The following KLF15 variants were observed in gnomAD, a reference collection of about 807,000 sequenced individuals.
KLF15 encodes the protein KLF transcription factor 15, also known as Krueppel-like factor 15.
In KLF15, 4 loss-of-function variants were observed where a neutral mutation model predicts 24.6. The observed-to-expected ratio is 0.16, with a 90% CI of 0.08 to 0.37. The LOEUF (loss-of-function observed/expected upper bound fraction) is 0.37, where lower values mean the gene tolerates loss of function less well. Among genes scored for constraint, KLF15 ranks in the 10% least tolerant of loss-of-function variants. The pLI, the probability that KLF15 is intolerant of heterozygous loss-of-function variation, is 1.00. For missense variants in KLF15, 496 were observed against 560.6 expected (o/e 0.88, Z 1.16); for synonymous variants, 246 against 236.3 (o/e 1.04, Z -0.37).
In KLF15 at chr3:126,343,907, G is replaced by T. The variant is rs1576582210; in HGVS notation, c.1083-12C>A. On this transcript the variant is annotated splice_polypyrimidine_tract_variant and intron_variant, in intron 2 of 2. Transcript: ENST00000296233. ...CAGAGCGCGAGAACCTGCGGGACATGGCGCGGTCAGCGAGGCCTGGCCCTG... is the reference window on the plus strand; with the variant it reads ...CAGAGCGCGAGAACCTGCGGGACATTGCGCGGTCAGCGAGGCCTGGCCCTG... 6.4e-7 allele frequency: 1 copy of T among 1,569,468 alleles called. No homozygotes were observed. Among genetic ancestry groups the T allele is most frequent in the East Asian group, 2.3e-5 (1 of 43,648 alleles).
rs1015975930 is a variant in KLF15 at position 126,351,689 on chromosome 3, C to G, written c.1082+152G>C. On this transcript the variant is annotated intron_variant, in intron 2 of 2. Transcript: ENST00000296233. ...GAGGACCAAGGAAGCCTCCAGGCAACTGTGCCAGCTCTGGGCCTGCACCCG... is the reference window on the plus strand; with the variant it reads ...GAGGACCAAGGAAGCCTCCAGGCAAGTGTGCCAGCTCTGGGCCTGCACCCG... 6 of 962,852 alleles carry G rather than the reference C, an allele frequency of 6.2e-6. No individual in the cohort carries two copies. The South Asian group carries it at 1.1e-4, about 17-fold the overall frequency. The allele number at this position is 962,852 out of a possible 1,614,324, so 59.6% of individuals were successfully genotyped here.
the KLF15 span, among the ~76,000 whole-genome samples, chr3:126,310,437 C>T: frequency 3.3e-5 from 5 of 152,152 alleles, no homozygotes; most frequent in African/African-American, 9.7e-5. Flanking sequence ...CACAATGTGG[C>T]GACATCACAG....
the KLF15 span, among the ~76,000 whole-genome samples, chr3:126,331,848 A>G: frequency 6.6e-6 from 1 of 152,316 alleles, no homozygotes; most frequent in East Asian, 1.9e-4. Flanking sequence ...AGTCAAAGAA[A>G]GGGGTGACGG....
chr3:126,295,484 CA>C, the KLF15 span, among the ~76,000 whole-genome samples: 2 of 152,136 alleles, frequency 1.3e-5, no homozygotes, highest in African/African-American at 4.8e-5. Flanking sequence ...AGGCCCAAAC[CA>C]ACTCAGGATA....
In KLF15 at chr3:126,343,506, G is replaced by T; in HGVS notation, c.*221C>A. 1 of 511,664 alleles carries T rather than the reference G, an allele frequency of 2.0e-6. No individual in the cohort carries two copies. The highest frequency in any genetic ancestry group is 3.4e-6 in the Non-Finnish European group (1 of 294,846). 31.7% of individuals were successfully genotyped at this position (511,664 alleles called of 1,614,324 possible). A position where few individuals can be genotyped will look rare whatever the true frequency, so the allele number is the denominator to read the frequency against. On this transcript the variant is annotated 3_prime_UTR_variant, in exon 3 of 3. Coordinates refer to ENST00000296233, the MANE Select transcript of KLF15 (RefSeq NM_014079.4). ...GGCACGAAGGCCTGCCTCCAGCCCC[G>T]TGCGCCTGGGGCCCAGCCCCCAGGG... is the stretch of plus-strand genomic sequence containing the variant.
downstream of KLF15, among the ~76,000 whole-genome samples, chr3:126,341,318 G>T (rs980192986): frequency 5.9e-5 from 9 of 152,184 alleles, no homozygotes; most frequent in South Asian, 2.1e-4. Flanking sequence ...GGTGAGCAGC[G>T]TGTCCGGCCG....
At chr3:126,341,797 A>G (rs1416621557), downstream of KLF15, among the ~76,000 whole-genome samples, 1 of 152,124 alleles carries the variant, frequency 6.6e-6, no homozygotes, top group Non-Finnish European at 1.5e-5. Context: ...CCCGACTTGC[A>G]TCCAGTTCTT....
In KLF15 at chr3:126,353,048, T is replaced by C. The variant is rs2107558366; in HGVS notation, c.-25-101A>G. On this transcript the variant is annotated intron_variant, in intron 1 of 2. Transcript: ENST00000296233. ...CCTCAGCTGCCTGCCCACAGCCTCC[T>C]ATTGCCAAACGCCTGGATCCTGCTT... 7 of 1,348,012 alleles carry C rather than the reference T, an allele frequency of 5.2e-6. No homozygotes were observed. The South Asian group carries it at 7.7e-5, about 15-fold the overall frequency. 83.5% of individuals were successfully genotyped at this position (1,348,012 alleles called of 1,614,324 possible).
chr3:126,318,148 C>T, the KLF15 span, among the ~76,000 whole-genome samples: 2 of 152,126 alleles, frequency 1.3e-5, no homozygotes, highest in Non-Finnish European at 2.9e-5. Context: ...GGTCCTTTCC[C>T]CCCAACTCCT....
At chr3:126,322,814 G>A in the KLF15 span, among the ~76,000 whole-genome samples, 1 of 152,138 alleles carries the variant, frequency 6.6e-6, no homozygotes, top group Non-Finnish European at 1.5e-5. Flanking sequence ...ATCAAGCCAG[G>A]CAAAGCCTTA....
the KLF15 span, among the ~76,000 whole-genome samples, chr3:126,329,717 G>A: frequency 7.1e-6 from 1 of 141,514 alleles, no homozygotes; most frequent in Non-Finnish European, 1.5e-5. Flanking sequence ...AGATCAATAT[G>A]ACAGAAATTG....
the KLF15 span, among the ~76,000 whole-genome samples, chr3:126,326,263 CT>C: frequency 7.4e-6 from 1 of 134,542 alleles, no homozygotes; most frequent in African/African-American, 2.9e-5. Flanking sequence ...CAGCTTTGTT[CT>C]TTTGGCTTAG....
At chr3:126,306,346 C>T in the KLF15 span, among the ~76,000 whole-genome samples, 1 of 152,152 alleles carries the variant, frequency 6.6e-6, no homozygotes, top group Non-Finnish European at 1.5e-5. Context: ...TGGTGGATAT[C>T]ACTTCGAAAT....
Position 126,343,485 on chromosome 3 carries a change from C to G in KLF15, c.*242G>C. The G allele has an allele frequency of 2.1e-6, 1 of 480,790 alleles. No homozygotes were observed. The highest frequency in any genetic ancestry group is 3.6e-6 in the Non-Finnish European group (1 of 275,120). The allele number at this position is 480,790 out of a possible 1,614,324, so 29.8% of individuals were successfully genotyped here. ...GGGAAGGCACGAAGGCACGAAGGCA[C>G]GAAGGCCTGCCTCCAGCCCCGTGCG... On this transcript the variant is annotated 3_prime_UTR_variant, in exon 3 of 3. Transcript: ENST00000296233.
the KLF15 span, among the ~76,000 whole-genome samples, chr3:126,290,140 T>C: frequency 6.6e-6 from 1 of 150,696 alleles, no homozygotes; most frequent in Non-Finnish European, 1.5e-5. Context: ...ACTTTCAGCA[T>C]TTTTTTTTTC....
chr3:126,292,856 G>A, the KLF15 span, among the ~76,000 whole-genome samples: 3 of 152,206 alleles, frequency 2.0e-5, no homozygotes, highest in South Asian at 6.2e-4. Context: ...TCATTGCAGG[G>A]GTCCAAGCCA....
intron 1 of KLF15, among the ~76,000 whole-genome samples, chr3:126,357,036 G>T (rs1309895380): frequency 6.6e-6 from 1 of 151,626 alleles, no homozygotes; most frequent in East Asian, 2.0e-4. Flanking sequence ...CCGGGGCGGG[G>T]GGGGTCACCT....
chr3:126,323,417 A>ATATAACATATATATGT, the KLF15 span, among the ~76,000 whole-genome samples: 4 of 38,226 alleles, frequency 1.0e-4, no homozygotes, highest in Admixed American at 1.1e-3. Flanking sequence ...ATATATATAT[A>ATATAACATATATATGT]TATATATATA....
At chr3:126,293,220 T>C in the KLF15 span, among the ~76,000 whole-genome samples, 1 of 145,154 alleles carries the variant, frequency 6.9e-6, no homozygotes, top group Non-Finnish European at 1.5e-5. Context: ...GAGGCTGAAG[T>C]GGGAGAATCG....
Sources: allele counts gnomAD v4.1 joint callset (sites outside exome capture counted in the v4.1 genomes callset), GRCh38; gene constraint gnomAD v4.1.1; transcripts MANE v1.5; gene names NCBI Gene and HGNC (gene_info 2026-07-23, HGNC 2026-07-21).